The following KIAA1328 variants were observed in gnomAD, a reference collection of about 807,000 sequenced individuals.
KIAA1328 encodes the protein KIAA1328, also known as protein hinderin.
KIAA1328 carries 52 observed loss-of-function variants against 68.1 expected under a neutral mutation model. The observed-to-expected ratio is 0.76, with a 90% CI of 0.61 to 0.96. The LOEUF (loss-of-function observed/expected upper bound fraction) is 0.96, where lower values mean the gene tolerates loss of function less well. Ranked by LOEUF, KIAA1328 falls within the 40% of genes least tolerant of loss-of-function variation. The pLI is 0.00. For synonymous variants in KIAA1328, 232 were observed against 239.4 expected, an observed-to-expected ratio of 0.97 and a Z score of 0.28; for missense variants, 641 against 677.6, an observed-to-expected ratio of 0.95 and a Z score of 0.60.
chr18:37,019,909 A>G (rs1423810191), intron 6 of KIAA1328, among the ~76,000 whole-genome samples: 2 of 152,208 alleles, frequency 1.3e-5, no homozygotes, highest in Admixed American at 6.5e-5. Context: ...TTGCCTGGGC[A>G]TGAAGGAGAG....
rs1195453692 is a variant in KIAA1328 at position 37,222,008 on chromosome 18, G to A, written c.1524-9G>A. Reference sequence around the variant, plus strand: ...TGATCCTTTCCTGTCTGGGTTATATGTCTTACAGGTATGAGACATCTTTGT... The same window carrying A: ...TGATCCTTTCCTGTCTGGGTTATATATCTTACAGGTATGAGACATCTTTGT... On this transcript the variant is annotated splice_polypyrimidine_tract_variant and intron_variant, in intron 9 of 9. Transcript: ENST00000280020. The A allele has an allele frequency of 6.2e-7, 1 of 1,612,244 alleles. No homozygotes were observed. The highest frequency in any genetic ancestry group is 8.5e-7 in the Non-Finnish European group (1 of 1,179,020).
chr18:37,115,628 CACTCCTGTTCA>C (rs1399930048), intron 7 of KIAA1328, among the ~76,000 whole-genome samples: 1 of 152,210 alleles, frequency 6.6e-6, no homozygotes, highest in Non-Finnish European at 1.5e-5. Context: ...CCTCTCTCAC[CACTCCTGTTCA>C]ACATAGTGTT....
chr18:36,963,480 G>A (rs558088979), intron 6 of KIAA1328, among the ~76,000 whole-genome samples: 8 of 152,216 alleles, frequency 5.3e-5, no homozygotes, highest in Admixed American at 4.6e-4. Flanking sequence ...AGTCACCAGG[G>A]GATCCTAAAG....
intron 9 of KIAA1328, among the ~76,000 whole-genome samples, chr18:37,207,720 G>A (rs574148444): frequency 6.6e-6 from 1 of 152,306 alleles, no homozygotes; most frequent in South Asian, 2.1e-4. Context: ...AAACATCTCT[G>A]CAAACTCTCC....
intron 4 of KIAA1328, 139 bp from the exon 5 acceptor site, chr18:36,885,418 G>A: frequency 2.1e-6 from 1 of 469,686 alleles, no homozygotes; most frequent in Non-Finnish European, 3.8e-6. Context: ...TTTTTAAAAA[G>A]CAACAACAAA....
At chr18:37,014,218 C>G (rs1226025157) in intron 6 of KIAA1328, among the ~76,000 whole-genome samples, 2 of 152,076 alleles carry the variant, frequency 1.3e-5, no homozygotes, top group Non-Finnish European at 2.9e-5. Context: ...GAATTAAATT[C>G]CTTACAAATT....
At chr18:36,850,997 T>C (rs2047194033) in intron 4 of KIAA1328, among the ~76,000 whole-genome samples, 1 of 152,194 alleles carries the variant, frequency 6.6e-6, no homozygotes, top group Non-Finnish European at 1.5e-5. Context: ...CATGCTTTTC[T>C]TAGTTTGAGT....
intron 4 of KIAA1328, among the ~76,000 whole-genome samples, chr18:36,879,570 TG>T (rs368612302): frequency 2.6e-5 from 4 of 152,238 alleles, no homozygotes; most frequent in African/African-American, 9.6e-5. Flanking sequence ...CTGGGAGATC[TG>T]CTCCTCTCTT....
chr18:37,131,885 A>G (rs1344310481), intron 7 of KIAA1328, among the ~76,000 whole-genome samples: 1 of 152,196 alleles, frequency 6.6e-6, no homozygotes, highest in African/African-American at 2.4e-5. Context: ...TCTGGGGTCA[A>G]ATGAATGCCA....
chr18:37,147,813 A>G (rs925054102), intron 7 of KIAA1328, among the ~76,000 whole-genome samples: 1 of 152,034 alleles, frequency 6.6e-6, no homozygotes, highest in African/African-American at 2.4e-5. Flanking sequence ...CTATATAGTT[A>G]TGTGTCAGTT....
At chr18:36,874,536 G>GT (rs1182647029) in intron 4 of KIAA1328, among the ~76,000 whole-genome samples, 1 of 152,014 alleles carries the variant, frequency 6.6e-6, no homozygotes, top group East Asian at 1.9e-4. Flanking sequence ...GGGGTTGTTT[G>GT]TTTTTTTCTT....
At chr18:37,099,380 C>T (rs530395360) in intron 7 of KIAA1328, among the ~76,000 whole-genome samples, 16 of 152,238 alleles carry the variant, frequency 1.1e-4, no homozygotes, top group Admixed American at 2.6e-4. Context: ...TGTAGTTGAG[C>T]GGTTTTGAAT....
At chr18:37,153,224 G>T (rs920775247) in intron 7 of KIAA1328, among the ~76,000 whole-genome samples, 1 of 152,110 alleles carries the variant, frequency 6.6e-6, no homozygotes, top group Non-Finnish European at 1.5e-5. Context: ...CCACTCAGGA[G>T]CCCCTCTCTG....
At chr18:37,027,050 A>G (rs1226723823) in intron 6 of KIAA1328, among the ~76,000 whole-genome samples, 3 of 151,942 alleles carry the variant, frequency 2.0e-5, no homozygotes, top group East Asian at 1.9e-4. Context: ...TCAATGTGCA[A>G]AAATCACAAG....
chr18:37,044,533 C>T (rs1050900910), intron 6 of KIAA1328, among the ~76,000 whole-genome samples: 8 of 152,114 alleles, frequency 5.3e-5, no homozygotes, highest in African/African-American at 1.7e-4. Context: ...CATGGTGGCT[C>T]ATGCCTGTAA....
At chr18:37,084,443 G>T in intron 7 of KIAA1328, 1 of 308,232 alleles carries the variant, frequency 3.2e-6, no homozygotes, top group Non-Finnish European at 5.8e-6. Context: ...AGAATCTTTT[G>T]AGCCCTTTTC....
downstream of KIAA1328, among the ~76,000 whole-genome samples, chr18:37,226,587 G>A (rs1310983539): frequency 1.3e-5 from 2 of 151,966 alleles, no homozygotes; most frequent in Non-Finnish European, 2.9e-5. Flanking sequence ...ACAGCATAAC[G>A]TTTTCAAGGT....
At chr18:37,180,042 C>G (rs1012333614) in intron 9 of KIAA1328, among the ~76,000 whole-genome samples, 1 of 144,898 alleles carries the variant, frequency 6.9e-6, no homozygotes, top group African/African-American at 2.5e-5. Flanking sequence ...TTGACAGCTG[C>G]CATGGGATTC....
chr18:37,051,637 C>T (rs145144442), intron 6 of KIAA1328, among the ~76,000 whole-genome samples: 15 of 152,300 alleles, frequency 9.8e-5, no homozygotes, highest in East Asian at 3.9e-4. Flanking sequence ...AGAGCTGGTA[C>T]GAATCTTACT....
Sources: gnomAD v4.1 joint callset for allele counts (sites outside exome capture counted in the v4.1 genomes callset) on GRCh38, gnomAD v4.1.1 for gene constraint, MANE v1.5 for transcripts, NCBI Gene and HGNC (gene_info 2026-07-23, HGNC 2026-07-21) for gene names.